The following ACTG2 variants were observed in gnomAD, a reference collection of about 807,000 sequenced individuals.
ACTG2 encodes the protein actin gamma 2, smooth muscle, also known as actin, gamma-enteric smooth muscle.
A neutral mutation model predicts 37.6 loss-of-function variants in ACTG2; 16 were observed. That is an observed-to-expected ratio of 0.43 (90% confidence interval 0.29 to 0.65). The LOEUF is 0.65. Among genes scored for constraint, ACTG2 ranks in the 30% least tolerant of loss-of-function variants. The probability of loss-of-function intolerance (pLI) is 0.18; values close to 1 mark genes in which losing one functional copy is unlikely to be tolerated. For synonymous variants in ACTG2, 181 were observed against 179.9 expected, an observed-to-expected ratio of 1.01 and a Z score of -0.05; for missense variants, 238 against 490.9, an observed-to-expected ratio of 0.48 and a Z score of 4.87.
At chr2:73,904,769 GTGTGTGTGTA>G (rs1299162000) in intron 3 of ACTG2, among the ~76,000 whole-genome samples, 64 of 36,352 alleles carry the variant, frequency 1.8e-3, no homozygotes, top group African/African-American at 5.4e-3. Flanking sequence ...GTGTGTGTGT[GTGTGTGTGTA>G]TATATATATA....
At chr2:73,916,144 G>A (rs921778036) in intron 7 of ACTG2, among the ~76,000 whole-genome samples, 7 of 152,096 alleles carry the variant, frequency 4.6e-5, no homozygotes, top group East Asian at 1.9e-4. Flanking sequence ...TTGGGAGGCC[G>A]AGATGAGTGG....
At chr2:73,914,638 C>A in intron 6 of ACTG2, 42 bp from the exon 7 acceptor site, 1 of 1,430,316 alleles carries the variant, frequency 7.0e-7, no homozygotes, top group South Asian at 1.6e-5. Flanking sequence ...ACCAAACTAT[C>A]AGAGCTCAGT....
At chr2:73,902,836 A>C in intron 3 of ACTG2, 2 of 1,441,914 alleles carry the variant, frequency 1.4e-6, no homozygotes, top group African/African-American at 1.4e-5. Flanking sequence ...GGGGTTCCTA[A>C]CTCCCCGTCT....
intron 1 of ACTG2, among the ~76,000 whole-genome samples, chr2:73,894,816 T>C (rs1208603702): frequency 6.6e-6 from 1 of 151,982 alleles, no homozygotes; most frequent in Admixed American, 6.6e-5. Context: ...AAGGCAGGAA[T>C]CAGGTAAAAC....
chr2:73,900,396 C>CAGGA (rs1208139802), intron 1 of ACTG2, among the ~76,000 whole-genome samples: 1 of 152,168 alleles, frequency 6.6e-6, no homozygotes, highest in Non-Finnish European at 1.5e-5. Context: ...GAAAAAGATA[C>CAGGA]AGGAAGGAAG....
At chr2:73,910,098 C>G (rs1680097509) in intron 5 of ACTG2, among the ~76,000 whole-genome samples, 1 of 151,800 alleles carries the variant, frequency 6.6e-6, no homozygotes, top group Non-Finnish European at 1.5e-5. Flanking sequence ...ACCTGTAATC[C>G]CAGCTACTTG....
chr2:73,909,014 A>G (rs746357554), intron 4 of ACTG2, 41 bp from the exon 5 acceptor site: 9 of 1,586,814 alleles, frequency 5.7e-6, no homozygotes, highest in Admixed American at 3.3e-5. Context: ...AAGTGCTGTG[A>G]TTTTTGCCAA....
At chr2:73,906,483 A>AATAGATAC (rs142230122) in intron 3 of ACTG2, among the ~76,000 whole-genome samples, 2 of 150,114 alleles carry the variant, frequency 1.3e-5, no homozygotes, top group South Asian at 4.2e-4. Flanking sequence ...TAAATAAATA[A>AATAGATAC]ATACATAAAA....
intron 1 of ACTG2, among the ~76,000 whole-genome samples, chr2:73,898,948 G>A (rs1163956730): frequency 5.3e-5 from 8 of 151,414 alleles, no homozygotes; most frequent in African/African-American, 9.7e-5. Flanking sequence ...GACTACAGGC[G>A]CCCGCCACCA....
At chr2:73,914,007 C>T (rs916794959) in intron 6 of ACTG2, among the ~76,000 whole-genome samples, 10 of 152,086 alleles carry the variant, frequency 6.6e-5, no homozygotes, top group Non-Finnish European at 1.0e-4. Flanking sequence ...TCATGTGGCC[C>T]ACCTGGGCAA....
At chr2:73,906,155 A>T (rs1161715094) in intron 3 of ACTG2, among the ~76,000 whole-genome samples, 1 of 152,088 alleles carries the variant, frequency 6.6e-6, no homozygotes, top group African/African-American at 2.4e-5. Flanking sequence ...TTTTTATTCC[A>T]TTAAAAAAAA....
At chr2:73,902,336 T>C (rs201925072) in intron 2 of ACTG2, 24 bp from the exon 3 acceptor site, 13 of 1,612,422 alleles carry the variant, frequency 8.1e-6, no homozygotes, top group Non-Finnish European at 1.0e-5. Flanking sequence ...CATTCATTTC[T>C]CTTTTCTTCT....
At chr2:73,911,260 G>A (rs1402648818) in intron 5 of ACTG2, among the ~76,000 whole-genome samples, 3 of 152,144 alleles carry the variant, frequency 2.0e-5, no homozygotes, top group Admixed American at 6.6e-5. Context: ...TTGGGAGGCC[G>A]AGGTGGGTGG....
rs746077804 is a variant in ACTG2 at position 73,901,495 on chromosome 2, G to A, written c.126+58G>A. 4.0e-6 allele frequency: 6 copies of A among 1,499,620 alleles called. No homozygotes were observed. In the East Asian group the frequency reaches 1.5e-4, roughly 37 times the overall value. 92.9% of individuals were successfully genotyped at this position (1,499,620 alleles called of 1,614,324 possible). ...AGCCACTAGGAGTAAGCGCTGCACT[G>A]TGGAGACCCTGCTGAGCTGGGGGTT... On this transcript the variant is annotated intron_variant, in intron 2 of 8. Transcript: ENST00000345517.
intron 5 of ACTG2, among the ~76,000 whole-genome samples, chr2:73,910,573 A>G (rs1680110892): frequency 6.9e-6 from 1 of 145,882 alleles, no homozygotes; most frequent in Admixed American, 7.1e-5. Flanking sequence ...ATCTCAGCTC[A>G]CTGCAACCTC....
chr2:73,895,442 C>T (rs1041098446), intron 1 of ACTG2, among the ~76,000 whole-genome samples: 3 of 152,152 alleles, frequency 2.0e-5, no homozygotes, highest in African/African-American at 4.8e-5. Flanking sequence ...AATTTTCCAT[C>T]GTGGCAGTGT....
chr2:73,898,796 T>C (rs1031299504), intron 1 of ACTG2, among the ~76,000 whole-genome samples: 3 of 101,712 alleles, frequency 2.9e-5, no homozygotes, highest in Non-Finnish European at 6.9e-5. Context: ...CTTTTCTTTT[T>C]TTTTTCTTTT....
At chr2:73,898,779 C>CTTTTTTCTTTTCTTTT (rs1435307646) in intron 1 of ACTG2, among the ~76,000 whole-genome samples, 1 of 140,194 alleles carries the variant, frequency 7.1e-6, no homozygotes, top group African/African-American at 2.6e-5. Context: ...ACAGAGCTTT[C>CTTTTTTCTTTTCTTTT]TTTTTTCTTT....
intron 3 of ACTG2, among the ~76,000 whole-genome samples, chr2:73,907,993 A>G (rs775186770): frequency 2.0e-5 from 3 of 152,212 alleles, no homozygotes; most frequent in Non-Finnish European, 4.4e-5. Flanking sequence ...CGGTTTTGAA[A>G]TTGTTTGACA....
Sources: gnomAD v4.1 joint callset for allele counts (sites outside exome capture counted in the v4.1 genomes callset) on GRCh38, gnomAD v4.1.1 for gene constraint, MANE v1.5 for transcripts, NCBI Gene and HGNC (gene_info 2026-07-23, HGNC 2026-07-21) for gene names.